CFDP1: variants seen among roughly 807,000 people sequenced by gnomAD.
The protein encoded by CFDP1 is heterochromatin-stabilizing protein CFDP1.
In CFDP1, 31 loss-of-function variants were observed where a neutral mutation model predicts 40.1. That is an observed-to-expected ratio of 0.77 (90% CI 0.58 to 1.04). The LOEUF (loss-of-function observed/expected upper bound fraction) is 1.04. CFDP1 is among the 50% of genes least tolerant of loss of function. The pLI, the probability that CFDP1 is intolerant of heterozygous loss-of-function variation, is 0.00. For missense variants in CFDP1, 423 were observed against 343.4 expected, an observed-to-expected ratio of 1.23 and a Z score of -1.83; for synonymous variants, 167 against 120.0, an observed-to-expected ratio of 1.39 and a Z score of -2.56.
At chr16:75,323,546 C>A (rs1469976908) in intron 5 of CFDP1, among the ~76,000 whole-genome samples, 1 of 151,778 alleles carries the variant, frequency 6.6e-6, no homozygotes, top group African/African-American at 2.4e-5. Context: ...TTGTGAAGGC[C>A]GAGGCAGGTG....
chr16:75,327,128 G>A (rs1299836135), intron 5 of CFDP1, among the ~76,000 whole-genome samples: 2 of 152,248 alleles, frequency 1.3e-5, no homozygotes, highest in South Asian at 2.1e-4. Context: ...ATAGCTGGGC[G>A]TGGTGGCGGA....
At chr16:75,404,464 G>C (rs1452657543) in intron 4 of CFDP1, among the ~76,000 whole-genome samples, 1 of 151,768 alleles carries the variant, frequency 6.6e-6, no homozygotes, top group Non-Finnish European at 1.5e-5. Context: ...CCCATGATCC[G>C]CCTGCCTCGG....
At chr16:75,417,337 G>A (rs2079218576) in intron 1 of CFDP1, among the ~76,000 whole-genome samples, 1 of 152,146 alleles carries the variant, frequency 6.6e-6, no homozygotes, top group Non-Finnish European at 1.5e-5. Context: ...CTCACAGTAA[G>A]TGACTGGCTG....
At chr16:75,401,044 C>T (rs2079047683) in intron 4 of CFDP1, among the ~76,000 whole-genome samples, 1 of 152,130 alleles carries the variant, frequency 6.6e-6, no homozygotes, top group Non-Finnish European at 1.5e-5. Flanking sequence ...ACCTGTAATC[C>T]CAGCACTTTG....
intron 3 of CFDP1, among the ~76,000 whole-genome samples, chr16:75,412,205 G>C (rs370935129): frequency 6.6e-5 from 10 of 152,234 alleles, no homozygotes; most frequent in Admixed American, 3.9e-4. Context: ...TTTTAGTAGA[G>C]ACAGGATTTC....
At chr16:75,321,525 T>C (rs992438732) in intron 5 of CFDP1, among the ~76,000 whole-genome samples, 1 of 152,188 alleles carries the variant, frequency 6.6e-6, no homozygotes, top group South Asian at 2.1e-4. Context: ...TAAACCAAGC[T>C]TGTCCAACCT....
chr16:75,418,764 C>T (rs1034213964), intron 1 of CFDP1, among the ~76,000 whole-genome samples: 1 of 148,460 alleles, frequency 6.7e-6, no homozygotes, highest in Non-Finnish European at 1.5e-5. Context: ...CATTTCAGGT[C>T]TGAGGCAAAG....
In CFDP1 at chr16:75,365,969, C is replaced by G. The variant is rs1246984599; in HGVS notation, c.650+29121G>C. Reference sequence around the variant, plus strand: ...AAAATGGTGTGACCACTTTGGAAAACAATGAACAATTCCTTAAAATTTCTT... The same window carrying G: ...AAAATGGTGTGACCACTTTGGAAAAGAATGAACAATTCCTTAAAATTTCTT... On this transcript the variant is annotated intron_variant, in intron 5 of 6. Transcript: ENST00000283882. Among the ~76,000 whole-genome samples the G allele has an allele frequency of 3.3e-5, 5 of 152,148 alleles. 1 individual carries two copies. Among genetic ancestry groups the G allele is most frequent in the Non-Finnish European group, 7.3e-5 (5 of 68,030 alleles).
intron 1 of CFDP1, among the ~76,000 whole-genome samples, chr16:75,416,328 G>A (rs1299407077): frequency 6.6e-6 from 1 of 152,034 alleles, no homozygotes; most frequent in Non-Finnish European, 1.5e-5. Context: ...AAGGAAAAAG[G>A]ATTTGTAATT....
At chr16:75,413,170 G>C (rs1462284966) in intron 2 of CFDP1, among the ~76,000 whole-genome samples, 4 of 152,122 alleles carry the variant, frequency 2.6e-5, no homozygotes, top group Non-Finnish European at 5.9e-5. Context: ...ATTTAGAAGA[G>C]CCTCAACTTT....
chr16:75,358,036 CAAT>C (rs1463852608), intron 5 of CFDP1, among the ~76,000 whole-genome samples: 1 of 152,134 alleles, frequency 6.6e-6, no homozygotes, highest in Non-Finnish European at 1.5e-5. Context: ...TCAGGGAATA[CAAT>C]ATTTACCAAA....
intron 1 of CFDP1, among the ~76,000 whole-genome samples, chr16:75,417,570 G>A (rs542617012): frequency 2.9e-4 from 44 of 152,294 alleles, no homozygotes; most frequent in African/African-American, 9.6e-4. Context: ...AGCGACACTA[G>A]AAGGATAAAC....
At chr16:75,334,229 A>G (rs1457501848) in intron 5 of CFDP1, among the ~76,000 whole-genome samples, 4 of 151,672 alleles carry the variant, frequency 2.6e-5, no homozygotes, top group Non-Finnish European at 1.5e-5. Context: ...CCCTAACCCT[A>G]ACCCTAACCC....
At chr16:75,418,732 TAAA>T (rs35716697) in intron 1 of CFDP1, among the ~76,000 whole-genome samples, 73,156 of 130,542 alleles carry the variant, frequency 0.56, 19,305 homozygotes, top group Admixed American at 0.67. Flanking sequence ...AAAGGCTCCC[TAAA>T]AAAAAAAAAA....
intron 6 of CFDP1, among the ~76,000 whole-genome samples, chr16:75,297,540 C>T (rs2078192601): frequency 2.0e-5 from 3 of 152,156 alleles, no homozygotes; most frequent in African/African-American, 7.2e-5. Context: ...CAATGGGAAT[C>T]ACGGCTCTTG....
chr16:75,375,002 T>G (rs536766210), intron 5 of CFDP1, among the ~76,000 whole-genome samples: 2 of 152,074 alleles, frequency 1.3e-5, no homozygotes, highest in East Asian at 3.9e-4. Flanking sequence ...GTCTTCTATA[T>G]CTCTGTGTTG....
At chr16:75,349,127 C>A (rs1258162525) in intron 5 of CFDP1, among the ~76,000 whole-genome samples, 1 of 152,184 alleles carries the variant, frequency 6.6e-6, no homozygotes, top group Non-Finnish European at 1.5e-5. Context: ...CTTAAAGCCT[C>A]CCAAAGTGCT....
rs190203804 is a variant in CFDP1 at position 75,331,790 on chromosome 16, T to C, written c.651-26608A>G. On this transcript the variant is annotated intron_variant, in intron 5 of 6. Transcript: ENST00000283882. ...CCAGTTTTACACTATCAGGCTTGTATAGCTTTTGTAGAGATGTTTTCATTT... is the reference window on the plus strand; with the variant it reads ...CCAGTTTTACACTATCAGGCTTGTACAGCTTTTGTAGAGATGTTTTCATTT... 3.4e-3 allele frequency among the ~76,000 whole-genome samples: 521 copies of C among 152,328 alleles called. 2 individuals carry two copies. Among genetic ancestry groups the C allele is most frequent in the African/African-American group, 0.011 (438 of 41,568 alleles).
chr16:75,411,216 T>TAA (rs938545648), intron 4 of CFDP1, among the ~76,000 whole-genome samples: 2 of 149,292 alleles, frequency 1.3e-5, no homozygotes, highest in Admixed American at 1.3e-4. Context: ...AGACTCCATC[T>TAA]AAAAAAAAAC....
Sources: allele counts gnomAD v4.1 joint callset (sites outside exome capture counted in the v4.1 genomes callset), GRCh38; gene constraint gnomAD v4.1.1; transcripts MANE v1.5; gene names NCBI Gene and HGNC (gene_info 2026-07-23, HGNC 2026-07-21).